DLGAP2: variants seen among roughly 807,000 people sequenced by gnomAD.
DLGAP2 encodes DLG associated protein 2, also known as disks large-associated protein 2.
DLGAP2 carries 26 observed loss-of-function variants against 100.3 expected under a neutral mutation model. The ratio of observed to expected loss-of-function variants is 0.26; its 90% CI spans 0.19 to 0.36. The LOEUF (loss-of-function observed/expected upper bound fraction) is 0.36. Among genes scored for constraint, DLGAP2 ranks in the 10% least tolerant of loss-of-function variants. The pLI is 1.00. For synonymous variants in DLGAP2, 886 were observed against 630.1 expected (o/e 1.41, Z -6.08); for missense variants, 1,858 against 1,453.2 (o/e 1.28, Z -4.53).
At chr8:1,251,846 A>C (rs762031718) in intron 2 of DLGAP2, among the ~76,000 whole-genome samples, 2 of 152,186 alleles carry the variant, frequency 1.3e-5, no homozygotes, top group Non-Finnish European at 1.5e-5. Flanking sequence ...GGCGTGTTGC[A>C]TATTCTCGCA....
intron 2 of DLGAP2, among the ~76,000 whole-genome samples, chr8:1,110,111 T>G (rs900405052): frequency 7.4e-6 from 1 of 135,170 alleles, no homozygotes; most frequent in Non-Finnish European, 1.6e-5. Flanking sequence ...TGTGCATGGG[T>G]CTGTGAGGTG....
chr8:876,255 A>T lies in DLGAP2; in HGVS notation c.19-31657A>T, dbSNP rs565596671. On this transcript the variant is annotated intron_variant, in intron 1 of 14. Transcript: ENST00000637795. The stretch of plus-strand genomic sequence containing the variant: ...AATTTTTCATGTGGATTTTAATATT[A>T]TCAGGGGTCACTTGCTTTCAGCCTC... Among the ~76,000 whole-genome samples the T allele has an allele frequency of 7.4e-4, 112 of 152,302 alleles. 2 individuals carry two copies. The highest frequency in any genetic ancestry group is 6.6e-3 in the South Asian group (32 of 4,830).
At chr8:1,118,708 G>T (rs989320183) in intron 2 of DLGAP2, among the ~76,000 whole-genome samples, 1 of 152,162 alleles carries the variant, frequency 6.6e-6, no homozygotes, top group African/African-American at 2.4e-5. Context: ...TATGAGGACC[G>T]AAAGAACTTG....
At chr8:870,335 A>C (rs1181006152) in intron 1 of DLGAP2, among the ~76,000 whole-genome samples, 1 of 152,164 alleles carries the variant, frequency 6.6e-6, no homozygotes, top group East Asian at 1.9e-4. Flanking sequence ...AGTACTGGAC[A>C]TCTTCACTGA....
intron 3 of DLGAP2, among the ~76,000 whole-genome samples, chr8:1,268,500 G>A (rs1452748826): frequency 6.6e-6 from 1 of 152,154 alleles, no homozygotes; most frequent in Non-Finnish European, 1.5e-5. Context: ...TTAGAGTGTC[G>A]CCATCTCCAA....
At chr8:1,302,036 C>G (rs988841250) in intron 3 of DLGAP2, 3 of 152,316 alleles carry the variant, frequency 2.0e-5, no homozygotes, top group Non-Finnish European at 4.4e-5. Flanking sequence ...TGTTCTTAAA[C>G]TCTTTTCCAA....
chr8:1,089,387 T>G (rs1804097330), intron 2 of DLGAP2, among the ~76,000 whole-genome samples: 1 of 152,252 alleles, frequency 6.6e-6, no homozygotes, highest in Non-Finnish European at 1.5e-5. Context: ...CCCTGAGGCA[T>G]GCTGCCCTCA....
chr8:1,314,514 C>T (rs185740358), intron 3 of DLGAP2, among the ~76,000 whole-genome samples: 3 of 152,342 alleles, frequency 2.0e-5, no homozygotes, highest in East Asian at 3.9e-4. Flanking sequence ...ACACTTTTAA[C>T]ATGTCAGGGG....
At position 1,549,238 on chromosome 8, in the gene DLGAP2, G is replaced by A. The variant is rs1308791941; in HGVS notation, c.785G>A (p.Arg262Gln). Residue 262 changes from arginine to glutamine, a missense_variant, in exon 5 of 15, where the codon CGG (arginine) becomes CAG (glutamine). Arg to Gln is a conservative substitution (Grantham distance 43, BLOSUM62 1). Coordinates refer to ENST00000637795, the MANE Select transcript of DLGAP2 (RefSeq NM_001346810.2). ...SNANGTKADG[R>Q]ADDHHHAHHA... ...GCCAACGGCACCAAGGCGGACGGCC[G>A]GGCGGACGACCACCACCACGCCCAC... 1.9e-6 allele frequency: 3 copies of A among 1,606,778 alleles called. No individual in the cohort carries two copies. The highest frequency in any genetic ancestry group is 2.5e-6 in the Non-Finnish European group (3 of 1,177,486).
At chr8:1,455,664 GC>G (rs1312432340) in intron 3 of DLGAP2, among the ~76,000 whole-genome samples, 1 of 152,128 alleles carries the variant, frequency 6.6e-6, no homozygotes, top group Non-Finnish European at 1.5e-5. Context: ...CCAGGGGCAC[GC>G]CCCCCATTTA....
At chr8:1,648,534 C>T (rs1432445945) in intron 8 of DLGAP2, among the ~76,000 whole-genome samples, 2 of 152,166 alleles carry the variant, frequency 1.3e-5, no homozygotes, top group African/African-American at 2.4e-5. Context: ...GGGAAGCCTC[C>T]TGGTCATAGG....
chr8:1,694,196 A>C lies in DLGAP2; in HGVS notation c.2796+2570A>C, dbSNP rs151227904. On this transcript the variant is annotated intron_variant, in intron 13 of 14. Coordinates refer to ENST00000637795, the MANE Select transcript of DLGAP2 (RefSeq NM_001346810.2). ...TTCTATTCAGGATTAGTAGAAAAACACTTTGACACGTTTGGGGCGGAAGAG... is the reference window on the plus strand; with the variant it reads ...TTCTATTCAGGATTAGTAGAAAAACCCTTTGACACGTTTGGGGCGGAAGAG... 8.3e-4 allele frequency among the ~76,000 whole-genome samples: 126 copies of C among 152,340 alleles called. 2 individuals are homozygous for C. Among genetic ancestry groups the C allele is most frequent in the African/African-American group, 2.9e-3 (120 of 41,572 alleles).
intron 2 of DLGAP2, among the ~76,000 whole-genome samples, chr8:1,204,974 T>C (rs1168869387): frequency 6.6e-6 from 1 of 152,184 alleles, no homozygotes; most frequent in Non-Finnish European, 1.5e-5. Flanking sequence ...TCAGTGGGGC[T>C]GACAGCTCCA....
rs1181020417 is a variant in DLGAP2, at chr8:1,076,897, G to A, written c.73+168931G>A. On this transcript the variant is annotated intron_variant, in intron 2 of 14. Transcript: ENST00000637795. ...ATACCAAGAGGGGGAGGAGGAGTCT[G>A]TCCCGGCCCCCCCCAAGACCAAGAG... 1.2e-4 allele frequency among the ~76,000 whole-genome samples: 17 copies of A among 145,524 alleles called. No individual in the cohort carries two copies. The South Asian group carries it at 3.9e-3, about 33-fold the overall frequency.
At chr8:1,157,156 G>A (rs962038368) in intron 2 of DLGAP2, among the ~76,000 whole-genome samples, 1 of 152,102 alleles carries the variant, frequency 6.6e-6, no homozygotes, top group African/African-American at 2.4e-5. Context: ...GTGACCGCGG[G>A]GAAAAGTTCT....
At chr8:1,222,773 A>C (rs1014042537) in intron 2 of DLGAP2, among the ~76,000 whole-genome samples, 1 of 152,056 alleles carries the variant, frequency 6.6e-6, no homozygotes, top group African/African-American at 2.4e-5. Context: ...GGCTGTGGCC[A>C]CTGATGAGAG....
intron 4 of DLGAP2, among the ~76,000 whole-genome samples, chr8:1,546,345 C>T (rs1563212606): frequency 6.6e-6 from 1 of 152,176 alleles, no homozygotes; most frequent in Admixed American, 6.5e-5. Flanking sequence ...CCACACCTTG[C>T]TGTCAGTCTC....
chr8:1,480,331 G>C (rs958963043), intron 3 of DLGAP2, among the ~76,000 whole-genome samples: 1 of 152,144 alleles, frequency 6.6e-6, no homozygotes, highest in Non-Finnish European at 1.5e-5. Context: ...GAAGAGGATG[G>C]GTGATGGGGG....
At chr8:1,416,896 C>A (rs1012950219) in intron 3 of DLGAP2, among the ~76,000 whole-genome samples, 1 of 152,170 alleles carries the variant, frequency 6.6e-6, no homozygotes, top group African/African-American at 2.4e-5. Context: ...GTGAAAGCTT[C>A]TCAGACTTGC....
Sources: allele counts gnomAD v4.1 joint callset (sites outside exome capture counted in the v4.1 genomes callset), GRCh38; gene constraint gnomAD v4.1.1; transcripts MANE v1.5; gene names NCBI Gene and HGNC (gene_info 2026-07-23, HGNC 2026-07-21).